The following CCSER1 variants were observed in gnomAD, a reference collection of about 807,000 sequenced individuals.
The protein encoded by CCSER1 is coiled-coil serine rich protein 1, also known as serine-rich coiled-coil domain-containing protein 1.
Under a neutral mutation model 82.0 loss-of-function variants are expected in CCSER1, and 41 were observed. The observed-to-expected ratio is 0.50, with a 90% CI of 0.39 to 0.65. The LOEUF (loss-of-function observed/expected upper bound fraction) is 0.65. Among genes scored for constraint, CCSER1 ranks in the 30% least tolerant of loss-of-function variants. The pLI, the probability that CCSER1 is intolerant of heterozygous loss-of-function variation, is 0.00. For synonymous variants in CCSER1, 414 were observed against 383.9 expected, an observed-to-expected ratio of 1.08 and a Z score of -0.92; for missense variants, 1,119 against 1,064.2, an observed-to-expected ratio of 1.05 and a Z score of -0.72.
intron 10 of CCSER1, among the ~76,000 whole-genome samples, chr4:91,139,279 A>T (rs569975548): frequency 6.6e-6 from 1 of 151,752 alleles, no homozygotes; most frequent in African/African-American, 2.4e-5. Context: ...TTTTTTATCC[A>T]GTCTCCAGTC....
Position 91,508,162 on chromosome 4 carries a change from G to GTT in CCSER1, c.2218-90394_2218-90393dup, listed in dbSNP as rs139066436. Reference sequence around the variant, plus strand: ...GAGATCCTTTTTTTTTTTTTTCTGGGTTTTTTTTTTTTTTTTTCCTGATCT... The same window carrying GTT: ...GAGATCCTTTTTTTTTTTTTTCTGGGTTTTTTTTTTTTTTTTTTTCCTGATCT... On this transcript the variant is annotated intron_variant, in intron 10 of 10. Coordinates refer to ENST00000509176, the MANE Select transcript of CCSER1 (RefSeq NM_001145065.2). Among the ~76,000 whole-genome samples, 562 of 97,592 alleles carry GTT rather than the reference G, an allele frequency of 5.8e-3. 27 individuals are homozygous for GTT. Among genetic ancestry groups the GTT allele is most frequent in the Middle Eastern group, 0.038 (4 of 104 alleles). 64.0% of individuals were successfully genotyped at this position (97,592 alleles called of 152,430 possible).
At chr4:91,328,063 A>G (rs1411744456) in intron 10 of CCSER1, among the ~76,000 whole-genome samples, 1 of 152,048 alleles carries the variant, frequency 6.6e-6, no homozygotes, top group Non-Finnish European at 1.5e-5. Context: ...AATCTTCTCA[A>G]TTTCCTGCCT....
rs540387890 is a variant in CCSER1 at position 90,654,890 on chromosome 4, G to T, written c.1932+26658G>T. On this transcript the variant is annotated intron_variant, in intron 6 of 10. Transcript: ENST00000509176. ...TAGGTGGGGTTAGAAAGGAGGAAAA[G>T]AAATAAGATTGAGGTTGATTATTGT... Among the ~76,000 whole-genome samples, 5 of 152,070 alleles carry T rather than the reference G, an allele frequency of 3.3e-5. No homozygotes were observed. The East Asian group carries it at 7.7e-4, about 23-fold the overall frequency.
At chr4:91,163,064 C>A (rs1387787521) in intron 10 of CCSER1, among the ~76,000 whole-genome samples, 2 of 152,168 alleles carry the variant, frequency 1.3e-5, no homozygotes, top group African/African-American at 4.8e-5. Flanking sequence ...CTCTTGTGGG[C>A]ATTTAGTGCT....
At chr4:91,331,501 C>T (rs529694800) in intron 10 of CCSER1, among the ~76,000 whole-genome samples, 43 of 152,166 alleles carry the variant, frequency 2.8e-4, no homozygotes, top group Non-Finnish European at 5.1e-4. Flanking sequence ...GTTTTCCTTC[C>T]TGACGCTTGC....
intron 1 of CCSER1, among the ~76,000 whole-genome samples, chr4:90,154,906 C>A (rs1286398138): frequency 6.6e-6 from 1 of 152,052 alleles, no homozygotes; most frequent in South Asian, 2.1e-4. Flanking sequence ...GCCAGAACTT[C>A]CAACACTATG....
intron 10 of CCSER1, among the ~76,000 whole-genome samples, chr4:91,575,563 A>C (rs1381115045): frequency 6.6e-6 from 1 of 152,072 alleles, no homozygotes; most frequent in Non-Finnish European, 1.5e-5. Flanking sequence ...GGATATGAAT[A>C]GTTATTTCCA....
rs377588124 is a variant in CCSER1 at position 91,133,639 on chromosome 4, C to T, written c.2217+47645C>T. On this transcript the variant is annotated intron_variant, in intron 10 of 10. Coordinates refer to ENST00000509176, the MANE Select transcript of CCSER1 (RefSeq NM_001145065.2). ...TAACACATATATTTCCTAACCATGTCTTTTGAGAGGGACAAGAAGCAATAT... is the reference window on the plus strand; with the variant it reads ...TAACACATATATTTCCTAACCATGTTTTTTGAGAGGGACAAGAAGCAATAT... Among the ~76,000 whole-genome samples, 23 of 152,144 alleles carry T rather than the reference C, an allele frequency of 1.5e-4. 1 individual carries two copies. In the East Asian group the frequency reaches 4.3e-3, roughly 28 times the overall value.
At chr4:90,799,369 G>A (rs1756480183) in intron 7 of CCSER1, among the ~76,000 whole-genome samples, 1 of 152,168 alleles carries the variant, frequency 6.6e-6, no homozygotes, top group Admixed American at 6.5e-5. Context: ...CAGTCTGTGA[G>A]GTAAGCAAAG....
chr4:90,406,722 T>C (rs545304246), intron 4 of CCSER1, among the ~76,000 whole-genome samples: 2 of 152,182 alleles, frequency 1.3e-5, no homozygotes, highest in Non-Finnish European at 2.9e-5. Context: ...ACCATGCAAA[T>C]ACATGGAAAT....
At chr4:91,004,074 T>A (rs1489554264) in intron 9 of CCSER1, among the ~76,000 whole-genome samples, 1 of 152,170 alleles carries the variant, frequency 6.6e-6, no homozygotes, top group East Asian at 1.9e-4. Context: ...TTATTTGGGG[T>A]GTCTCCCGGG....
intron 5 of CCSER1, among the ~76,000 whole-genome samples, chr4:90,577,985 T>C (rs559206106): frequency 3.2e-4 from 49 of 152,176 alleles, no homozygotes; most frequent in African/African-American, 1.1e-3. Flanking sequence ...TTTAATCCGA[T>C]TGGGAAGTAC....
Position 91,350,580 on chromosome 4 carries a change from A to G in CCSER1, c.2218-247992A>G, listed in dbSNP as rs1026256973. On this transcript the variant is annotated intron_variant, in intron 10 of 10. Transcript: ENST00000509176. Reference sequence around the variant, plus strand: ...TGGCATTCACAGATATTTTTCTTATATTGAAGAGATTAATTTGTTTATTGT... The same window carrying G: ...TGGCATTCACAGATATTTTTCTTATGTTGAAGAGATTAATTTGTTTATTGT... Among the ~76,000 whole-genome samples the G allele has an allele frequency of 7.2e-5, 11 of 152,216 alleles. No individual in the cohort carries two copies. The East Asian group carries it at 2.1e-3, about 29-fold the overall frequency.
intron 10 of CCSER1, among the ~76,000 whole-genome samples, chr4:91,455,514 A>G (rs528443866): frequency 2.6e-5 from 4 of 152,112 alleles, no homozygotes; most frequent in Admixed American, 2.6e-4. Context: ...CATCTAGGAA[A>G]CAGACAGCAA....
chr4:91,324,632 C>A (rs968390807), intron 10 of CCSER1, among the ~76,000 whole-genome samples: 10 of 152,064 alleles, frequency 6.6e-5, no homozygotes, highest in Non-Finnish European at 1.0e-4. Flanking sequence ...TTAGTGATGT[C>A]TTTGGCTCTG....
intron 10 of CCSER1, among the ~76,000 whole-genome samples, chr4:91,383,638 G>T (rs890787455): frequency 6.6e-6 from 1 of 152,050 alleles, no homozygotes; most frequent in African/African-American, 2.4e-5. Context: ...AATTACAACA[G>T]AAAACATTTG....
chr4:91,123,582 G>A (rs1402201329), intron 10 of CCSER1, among the ~76,000 whole-genome samples: 1 of 151,658 alleles, frequency 6.6e-6, no homozygotes, highest in Non-Finnish European at 1.5e-5. Context: ...TCTCCATTTT[G>A]TAAATTCTGA....
intron 10 of CCSER1, among the ~76,000 whole-genome samples, chr4:91,308,341 A>AAGAGTATTATGCTAGACATT (rs1224509834): frequency 2.0e-5 from 3 of 151,988 alleles, no homozygotes; most frequent in Admixed American, 6.6e-5. Flanking sequence ...TAGACATTAA[A>AAGAGTATTATGCTAGACATT]ATGTTTAGGT....
chr4:90,994,808 T>C (rs1052486706), intron 9 of CCSER1, among the ~76,000 whole-genome samples: 1 of 152,200 alleles, frequency 6.6e-6, no homozygotes, highest in Non-Finnish European at 1.5e-5. Flanking sequence ...GCCTATTTCT[T>C]TGCTGATTCA....
Sources: allele counts gnomAD v4.1 joint callset (sites outside exome capture counted in the v4.1 genomes callset), GRCh38; gene constraint gnomAD v4.1.1; transcripts MANE v1.5; gene names NCBI Gene and HGNC (gene_info 2026-07-23, HGNC 2026-07-21).